LZTS2: variants seen among roughly 807,000 people sequenced by gnomAD.
LZTS2 encodes the protein leucine zipper tumor suppressor 2, also known as leucine zipper putative tumor suppressor 2.
LZTS2 carries 32 observed loss-of-function variants against 60.6 expected under a neutral mutation model. The ratio of observed to expected loss-of-function variants is 0.53; its 90% CI spans 0.40 to 0.71. The LOEUF is 0.71. Ranked by LOEUF, LZTS2 falls within the 30% of genes least tolerant of loss-of-function variation. The pLI, the probability that LZTS2 is intolerant of heterozygous loss-of-function variation, is 0.00. For missense variants in LZTS2, 792 were observed against 901.9 expected, an observed-to-expected ratio of 0.88 and a Z score of 1.56; for synonymous variants, 360 against 393.1, an observed-to-expected ratio of 0.92 and a Z score of 1.00.
chr10:101,005,501 C>T (rs374215467), exon 3 of LZTS2: 4 of 1,584,590 alleles, frequency 2.5e-6, no homozygotes, highest in Admixed American at 1.7e-5. Context: ...GAGCGTGAGG[C>T]CCTGCGAGAG....
At chr10:101,003,325 A>T in intron 1 of LZTS2, 182 bp from the exon 3 acceptor site, 1 of 579,970 alleles carries the variant, frequency 1.7e-6, no homozygotes, top group Non-Finnish European at 2.9e-6. Context: ...TATTTAGATA[A>T]TGGAGATAAA....
At chr10:101,002,347 G>A in exon 1 of LZTS2, 2 of 503,912 alleles carry the variant, frequency 4.0e-6, no homozygotes, top group Non-Finnish European at 6.7e-6. Flanking sequence ...TGGGGCCCAG[G>A]GGGAATTGAG....
At chr10:101,003,907 A>T in exon 2 of LZTS2, 1 of 1,612,102 alleles carries the variant, frequency 6.2e-7, no homozygotes, top group East Asian at 2.2e-5. Flanking sequence ...GGGCCCTCCC[A>T]CTCAGACAGT....
chr10:101,002,422 G>C (rs1170465232), exon 1 of LZTS2: 1 of 942,314 alleles, frequency 1.1e-6, no homozygotes, highest in Non-Finnish European at 1.5e-6. Flanking sequence ...ATGTCAAGGA[G>C]GTGTTTGGTC....
rs370735936 is a variant in LZTS2, at chr10:101,006,653, G to T, written c.1495G>T (p.Ala499Ser). The change falls in exon 4 of 4, where the codon GCC (alanine) becomes TCC (serine). Residue 499 changes from alanine (A) to serine (S), a missense_variant. Physicochemically the swap from Ala to Ser is moderately conservative, Grantham distance 99. Coordinates refer to ENST00000370220, the Ensembl canonical transcript of LZTS2. Reference sequence around the variant, plus strand: ...CCGTGCGCGGGGTCTACAGGAGGCCGCCCGAGCTCGGGAGCTGGAGCTGGA... The same window carrying T: ...CCGTGCGCGGGGTCTACAGGAGGCCTCCCGAGCTCGGGAGCTGGAGCTGGA... 8.2e-6 allele frequency: 13 copies of T among 1,585,864 alleles called. No individual in the cohort carries two copies. In the African/African-American group the frequency reaches 1.5e-4, roughly 18 times the overall value.
chr10:101,006,533 G>T lies in LZTS2; in HGVS notation c.1375G>T (p.Glu459Ter). 6 of 1,611,630 alleles carry T rather than the reference G, an allele frequency of 3.7e-6. No homozygotes were observed. Among genetic ancestry groups the T allele is most frequent in the Non-Finnish European group, 5.1e-6 (6 of 1,179,764 alleles). The change falls in exon 4 of 4, where the codon GAG becomes TAG. Residue 459 changes from glutamate to a stop codon, truncating the protein, a stop_gained. Transcript: ENST00000370220. LOFTEE classifies it high-confidence loss of function. ...CTCCCTGCTGAAGCAGCAGCTGAAA[G>T]AGTCTCAGGCAGAGCTGGTGCAGAA...
At chr10:101,007,148 A>G (rs752659026) in exon 4 of LZTS2, 5 of 1,598,130 alleles carry the variant, frequency 3.1e-6, no homozygotes, top group Middle Eastern at 1.7e-4. Context: ...CCTGGAGGAG[A>G]TCACTGCTAC....
At chr10:101,004,144 A>G in exon 2 of LZTS2, 2 of 1,604,668 alleles carry the variant, frequency 1.2e-6, no homozygotes, top group Non-Finnish European at 1.7e-6. Context: ...AGTCTGGACG[A>G]GAATGAGGCT....
At chr10:101,003,775 C>G in exon 2 of LZTS2, 1 of 1,613,142 alleles carries the variant, frequency 6.2e-7, no homozygotes. Context: ...AACTCACTGT[C>G]CAGCCTGCCC....
exon 1 of LZTS2, chr10:101,002,297 C>G (rs149602652): frequency 2.6e-6 from 1 of 386,606 alleles, no homozygotes; most frequent in Non-Finnish European, 4.6e-6. Context: ...AGTGAATTCA[C>G]TCCTCAGCCC....
chr10:101,004,811 C>T (rs1852134936), intron 2 of LZTS2, among the ~76,000 whole-genome samples: 1 of 152,078 alleles, frequency 6.6e-6, no homozygotes, highest in Admixed American at 6.5e-5. Flanking sequence ...AGACTAATGC[C>T]TGGTACCTAG....
At chr10:101,004,252 G>T in intron 2 of LZTS2, 86 bp downstream of exon 3, 1 of 1,454,466 alleles carries the variant, frequency 6.9e-7, no homozygotes, top group Non-Finnish European at 9.2e-7. Context: ...TTTTGGCAGG[G>T]AACGGGGGTT....
At chr10:100,999,214 TG>T (rs1851974571), upstream of LZTS2, among the ~76,000 whole-genome samples, 2 of 151,818 alleles carry the variant, frequency 1.3e-5, no homozygotes, top group Non-Finnish European at 1.5e-5. Context: ...TGCCGGGGAG[TG>T]GGGCAGGGCC....
exon 4 of LZTS2, chr10:101,006,656 C>G (rs745414258): frequency 1.1e-5 from 17 of 1,586,586 alleles, no homozygotes; most frequent in Non-Finnish European, 1.4e-5. Flanking sequence ...GGAGGCCGCC[C>G]GAGCTCGGGA....
exon 2 of LZTS2, chr10:101,003,763 G>A (rs1852100572): frequency 1.2e-6 from 2 of 1,613,086 alleles, no homozygotes; most frequent in Non-Finnish European, 1.7e-6. Context: ...GACTCTGGCC[G>A]AAACTCACTG....
At chr10:101,004,018 G>A (rs2133974589) in exon 2 of LZTS2, 1 of 1,613,268 alleles carries the variant, frequency 6.2e-7, no homozygotes, top group East Asian at 2.2e-5. Flanking sequence ...AGCAGCTCCT[G>A]TGGGGAGCGC....
exon 4 of LZTS2, chr10:101,007,283 G>A (rs948639491): frequency 7.0e-7 from 1 of 1,425,542 alleles, no homozygotes; most frequent in African/African-American, 1.4e-5. Flanking sequence ...AAAGCCACTT[G>A]TCTCCTAGGA....
chr10:101,007,004 C>G, exon 4 of LZTS2: 1 of 1,567,096 alleles, frequency 6.4e-7, no homozygotes, highest in Non-Finnish European at 8.6e-7. Context: ...CTACCAGAAG[C>G]AGCTGCAGCA....
At chr10:100,999,744 C>A (rs562169057) in exon 1 of LZTS2, 2 of 151,694 alleles carry the variant, frequency 1.3e-5, no homozygotes, top group East Asian at 3.9e-4. Flanking sequence ...CTCCCCTGCG[C>A]GGTGCCGCCC....
Sources: gnomAD v4.1 joint callset for allele counts (sites outside exome capture counted in the v4.1 genomes callset) on GRCh38, gnomAD v4.1.1 for gene constraint, MANE v1.5 for transcripts, NCBI Gene and HGNC (gene_info 2026-07-23, HGNC 2026-07-21) for gene names.